MIB1: variants seen among roughly 807,000 people sequenced by gnomAD.
MIB1 encodes E3 ubiquitin-protein ligase MIB1.
MIB1 carries 278 observed loss-of-function variants against 124.5 expected under a neutral mutation model. The observed-to-expected ratio is 2.23, with a 90% CI of 2.02 to 2.47. The LOEUF is 2.47. Ranked by LOEUF, MIB1 falls within the 30% of genes most tolerant of loss-of-function variation. The pLI is 0.00. For synonymous variants in MIB1, 446 were observed against 429.4 expected (o/e 1.04, Z -0.48); for missense variants, 957 against 1,254.4 (o/e 0.76, Z 3.58).
intron 7 of MIB1, among the ~76,000 whole-genome samples, chr18:21,793,668 G>A (rs894375462): frequency 6.7e-6 from 1 of 149,652 alleles, no homozygotes; most frequent in Non-Finnish European, 1.5e-5. Flanking sequence ...GTAATCCCAG[G>A]TACTTGGGAG....
chr18:21,829,286 A>G, intron 12 of MIB1: 1 of 306,776 alleles, frequency 3.3e-6, no homozygotes, highest in South Asian at 2.8e-5. Flanking sequence ...ATTCCTAAGC[A>G]TTTGACCAGT....
At chr18:21,755,444 G>T (rs981000124) in intron 1 of MIB1, among the ~76,000 whole-genome samples, 2 of 151,402 alleles carry the variant, frequency 1.3e-5, no homozygotes, top group Non-Finnish European at 2.9e-5. Flanking sequence ...CGATTGTCCT[G>T]CCTCAGCCTC....
chr18:21,785,451 G>T (rs1052698896), intron 6 of MIB1, among the ~76,000 whole-genome samples: 6 of 152,122 alleles, frequency 3.9e-5, no homozygotes, highest in African/African-American at 1.4e-4. Context: ...TTTTAAACAG[G>T]TGACGTCTTA....
At chr18:21,799,460 T>C (rs2959521) in intron 8 of MIB1, among the ~76,000 whole-genome samples, 1,702 of 152,140 alleles carry the variant, frequency 0.011, 44 homozygotes, top group African/African-American at 0.039. Flanking sequence ...GTCTGTAGTA[T>C]TGAGCTCTGA....
intron 1 of MIB1, among the ~76,000 whole-genome samples, chr18:21,721,591 T>G (rs2040716314): frequency 6.6e-6 from 1 of 152,126 alleles, no homozygotes; most frequent in Admixed American, 6.6e-5. Flanking sequence ...GAATATTTTT[T>G]GGGGAAAATA....
At chr18:21,784,135 G>A (rs1240601969) in intron 6 of MIB1, among the ~76,000 whole-genome samples, 2 of 142,354 alleles carry the variant, frequency 1.4e-5, no homozygotes, top group East Asian at 2.1e-4. Context: ...TGTGACCTCC[G>A]ACTCCCTGGT....
At chr18:21,750,621 T>G (rs1433303781) in intron 1 of MIB1, among the ~76,000 whole-genome samples, 1 of 151,530 alleles carries the variant, frequency 6.6e-6, no homozygotes, top group Non-Finnish European at 1.5e-5. Context: ...GCCACCACGC[T>G]CGGCCTAATT....
At chr18:21,715,669 A>G (rs560817609) in intron 1 of MIB1, among the ~76,000 whole-genome samples, 1 of 152,194 alleles carries the variant, frequency 6.6e-6, no homozygotes, top group Admixed American at 6.5e-5. Context: ...TAAATAAAAA[A>G]AATCAAAACT....
At position 21,819,618 on chromosome 18, in the gene MIB1, C is replaced by T; in HGVS notation, c.1801C>T (p.His601Tyr). Residue 601 changes from histidine (H) to tyrosine (Y), a missense_variant, in exon 12 of 21, where the codon CAT becomes TAT. Transcript: ENST00000261537. The part of the protein sequence containing the change: ...ITNNNGFNAL[H>Y]HAALRGNPSA... ...AAACAATAATGGATTTAATGCTCTG[C>T]ATCATGCTGCACTAAGGGGAAATCC... The T allele has an allele frequency of 6.2e-7, 1 of 1,606,500 alleles. No individual in the cohort carries two copies. The highest frequency in any genetic ancestry group is 8.5e-7 in the Non-Finnish European group (1 of 1,176,466).
chr18:21,851,077 G>C, intron 17 of MIB1, among the ~76,000 whole-genome samples: 1 of 152,156 alleles, frequency 6.6e-6, no homozygotes, highest in East Asian at 1.9e-4. Flanking sequence ...GGTGCTTTAA[G>C]AGAGTTAAAA....
chr18:21,714,306 A>G (rs907410172), intron 1 of MIB1, among the ~76,000 whole-genome samples: 7 of 152,130 alleles, frequency 4.6e-5, no homozygotes, highest in Non-Finnish European at 7.4e-5. Flanking sequence ...CTCTTTGCAG[A>G]AAGTGCACAA....
intron 14 of MIB1, 107 bp from the exon 15 acceptor site, chr18:21,843,984 TG>T: frequency 1.0e-6 from 1 of 982,312 alleles, no homozygotes; most frequent in Non-Finnish European, 1.5e-6. Flanking sequence ...TTAGCTTTAG[TG>T]GTAACTTCTT....
intron 7 of MIB1, 78 bp from the exon 8 acceptor site, chr18:21,798,006 T>A (rs2041603837): frequency 1.4e-6 from 2 of 1,392,914 alleles, no homozygotes; most frequent in Non-Finnish European, 2.0e-6. Context: ...ATCATTACTT[T>A]AAGCATATAA....
intron 1 of MIB1, among the ~76,000 whole-genome samples, chr18:21,710,284 C>T (rs2040659988): frequency 6.6e-6 from 1 of 151,766 alleles, no homozygotes; most frequent in Non-Finnish European, 1.5e-5. Flanking sequence ...TTTGTAGAGA[C>T]GGTTTCACCA....
chr18:21,789,295 GT>G (rs962877306), intron 6 of MIB1, among the ~76,000 whole-genome samples: 65 of 151,974 alleles, frequency 4.3e-4, no homozygotes, highest in African/African-American at 1.3e-3. Flanking sequence ...GTGAGTCTGT[GT>G]TTCTTGGTGG....
chr18:21,760,737 C>T (rs1018817137), intron 1 of MIB1, among the ~76,000 whole-genome samples: 4 of 152,054 alleles, frequency 2.6e-5, no homozygotes, highest in African/African-American at 9.7e-5. Context: ...GTAAATGAGG[C>T]AGTGGTTGCA....
chr18:21,817,154 C>CTTTTTTT (rs1040673828), intron 11 of MIB1, among the ~76,000 whole-genome samples: 3 of 75,010 alleles, frequency 4.0e-5, no homozygotes, highest in Admixed American at 1.9e-4. Context: ...GTTAGGAATT[C>CTTTTTTT]TTTTTTTTTT....
At chr18:21,768,869 T>C in intron 3 of MIB1, 117 bp downstream of exon 3, 1 of 886,936 alleles carries the variant, frequency 1.1e-6, no homozygotes, top group Non-Finnish European at 1.5e-6. Flanking sequence ...TAACAGTTTT[T>C]AAAATCTTGA....
At position 21,757,899 on chromosome 18, in the gene MIB1, C is replaced by T. The variant is rs375828223; in HGVS notation, c.230-7873C>T. Reference sequence around the variant, plus strand: ...ATGGGGGAACATGATGCCCTAGATACGTAATTATTCTTTAAATAAGATCCA... The same window carrying T: ...ATGGGGGAACATGATGCCCTAGATATGTAATTATTCTTTAAATAAGATCCA... On this transcript the variant is annotated intron_variant, in intron 1 of 20. Coordinates refer to ENST00000261537, the MANE Select transcript of MIB1 (RefSeq NM_020774.4). Among the ~76,000 whole-genome samples the T allele has an allele frequency of 8.5e-5, 13 of 152,196 alleles. 1 individual carries two copies. The South Asian group carries it at 2.7e-3, about 32-fold the overall frequency.
Sources: allele counts gnomAD v4.1 joint callset (sites outside exome capture counted in the v4.1 genomes callset), GRCh38; gene constraint gnomAD v4.1.1; transcripts MANE v1.5; gene names NCBI Gene and HGNC (gene_info 2026-07-23, HGNC 2026-07-21).